Variants in ENOX2 observed in about 807,000 individuals in gnomAD.
ENOX2 encodes the protein ecto-NOX disulfide-thiol exchanger 2, also known as APK1 antigen.
A neutral mutation model predicts 45.0 loss-of-function variants in ENOX2; 36 were observed. The ratio of observed to expected loss-of-function variants is 0.80; its 90% CI spans 0.61 to 1.06. The LOEUF (loss-of-function observed/expected upper bound fraction) is 1.06. ENOX2 is among the 50% of genes least tolerant of loss of function. The probability of loss-of-function intolerance (pLI) is 0.00; values close to 1 mark genes in which losing one functional copy is unlikely to be tolerated. For synonymous variants in ENOX2, 174 were observed against 152.3 expected, an observed-to-expected ratio of 1.14 and a Z score of -1.05; for missense variants, 423 against 462.5, an observed-to-expected ratio of 0.91 and a Z score of 0.78.
intron 5 of ENOX2, among the ~76,000 whole-genome samples, chrX:130,685,515 A>G (rs935448319): frequency 5.3e-5 from 6 of 112,262 alleles, no homozygotes; most frequent in Non-Finnish European, 1.1e-4. Flanking sequence ...TGGCAGATAC[A>G]AACTAAATCA....
At chrX:130,645,720 G>A in intron 10 of ENOX2, 3 of 743,416 alleles carry the variant, frequency 4.0e-6, no homozygotes, top group Non-Finnish European at 5.9e-6. Flanking sequence ...CATCCACGCT[G>A]GGATGGTGAA....
Position 130,667,421 on chromosome X carries a change from C to G in ENOX2, c.907+109G>C, listed in dbSNP as rs147025350. The G allele has an allele frequency of 9.5e-3, 6,223 of 654,750 alleles. 38 individuals carry two copies. The highest frequency in any genetic ancestry group is 0.02 in the Middle Eastern group (41 of 2,098). The allele number at this position is 654,750 out of a possible 1,213,427, so 54.0% of individuals were successfully genotyped here. On this transcript the variant is annotated intron_variant, in intron 8 of 14. Transcript: ENST00000394363. ...GAGCACAAGGCAGTGAAAAAGGGAG[C>G]CTTGAGCCTTAACACAGGATGGCTC...
At chrX:130,811,289 C>G (rs868169411) in intron 2 of ENOX2, among the ~76,000 whole-genome samples, 2 of 112,334 alleles carry the variant, frequency 1.8e-5, no homozygotes, top group African/African-American at 6.5e-5. Flanking sequence ...CAGCACCAAG[C>G]CAGCCCCTGG....
rs753696901 is a variant in ENOX2 at position 130,667,639 on chromosome X, C to T, written c.798G>A (p.Ser266=). The T allele has an allele frequency of 3.6e-5, 44 of 1,209,504 alleles. No homozygotes were observed. Among genetic ancestry groups the T allele is most frequent in the African/African-American group, 1.8e-4 (10 of 57,140 alleles). The change falls in exon 8 of 15, where the codon TCG becomes TCA. Residue 266 remains serine, a synonymous_variant. Transcript: ENST00000394363. ...CCAGGCGGCGGACATGGCTGTTGGC[C>T]GACTGGATCATGGAGTAGAAGTTAT... ...SANNFYSMIQ[S]ANSHVRRLVN...
At chrX:130,642,331 T>A (rs1389866446) in intron 10 of ENOX2, among the ~76,000 whole-genome samples, 12 of 112,121 alleles carry the variant, frequency 1.1e-4, no homozygotes, top group Non-Finnish European at 2.3e-4. Context: ...ATGGATTGAA[T>A]TGCTGGAGCC....
chrX:130,737,148 CCAA>C (rs2038878599), intron 3 of ENOX2, among the ~76,000 whole-genome samples: 1 of 111,942 alleles, frequency 8.9e-6, no homozygotes, highest in Non-Finnish European at 1.9e-5. Context: ...CTTAAAATGT[CCAA>C]CAACAGCTTA....
chrX:130,814,809 T>G (rs1004150672), intron 2 of ENOX2, among the ~76,000 whole-genome samples: 2 of 111,806 alleles, frequency 1.8e-5, no homozygotes, highest in African/African-American at 6.5e-5. Flanking sequence ...GCAAAAAGTC[T>G]GAAAATTCCA....
chrX:130,846,449 T>C (rs1290095024), intron 2 of ENOX2, among the ~76,000 whole-genome samples: 1 of 110,701 alleles, frequency 9.0e-6, no homozygotes, highest in African/African-American at 3.3e-5. Flanking sequence ...GCGATTCTCC[T>C]GCCTCTGCCT....
chrX:130,640,201 T>C (rs2036042650), intron 10 of ENOX2, among the ~76,000 whole-genome samples: 1 of 112,174 alleles, frequency 8.9e-6, no homozygotes, highest in Non-Finnish European at 1.9e-5. Flanking sequence ...ACATTGCTGA[T>C]TAAGTTTCAA....
chrX:130,697,654 C>T (rs1294222903), intron 4 of ENOX2, among the ~76,000 whole-genome samples: 1 of 111,600 alleles, frequency 9.0e-6, no homozygotes, highest in African/African-American at 3.3e-5. Flanking sequence ...TTGCTCTGTC[C>T]GCGGGGCTTC....
At chrX:130,797,817 A>G (rs1045110464) in intron 2 of ENOX2, among the ~76,000 whole-genome samples, 1 of 111,697 alleles carries the variant, frequency 9.0e-6, no homozygotes. Flanking sequence ...GGTTTTCTCC[A>G]AAGTAAACAG....
At chrX:130,666,714 AC>A (rs1481673253) in intron 8 of ENOX2, among the ~76,000 whole-genome samples, 2 of 111,915 alleles carry the variant, frequency 1.8e-5, no homozygotes, top group Non-Finnish European at 3.8e-5. Flanking sequence ...CTTTCAAAAT[AC>A]AAGTGGCAAA....
intron 14 of ENOX2, among the ~76,000 whole-genome samples, chrX:130,627,451 T>C (rs1011015944): frequency 9.0e-6 from 1 of 110,588 alleles, no homozygotes; most frequent in Admixed American, 9.6e-5. Context: ...CATGGTGGCA[T>C]GCATCTGTAG....
chrX:130,685,562 C>T (rs1436778496), intron 5 of ENOX2, among the ~76,000 whole-genome samples: 1 of 112,243 alleles, frequency 8.9e-6, no homozygotes, highest in African/African-American at 3.2e-5. Context: ...GGATTACAGA[C>T]ATATGTTGTT....
intron 2 of ENOX2, among the ~76,000 whole-genome samples, chrX:130,829,242 C>T (rs1291283692): frequency 9.0e-6 from 1 of 111,542 alleles, no homozygotes; most frequent in Non-Finnish European, 1.9e-5. Context: ...ACAGCAATAA[C>T]TGCTGTTATT....
chrX:130,662,471 T>C (rs993255733), intron 9 of ENOX2, among the ~76,000 whole-genome samples: 1 of 111,958 alleles, frequency 8.9e-6, no homozygotes, highest in East Asian at 2.8e-4. Context: ...AAACTCACTT[T>C]GATGAAACCC....
chrX:130,692,361 C>A (rs1178498330), intron 4 of ENOX2, among the ~76,000 whole-genome samples: 3 of 112,949 alleles, frequency 2.7e-5, no homozygotes, highest in Non-Finnish European at 5.6e-5. Context: ...TGTACCATTG[C>A]CACTTATATT....
At chrX:130,670,897 T>C (rs989364132) in intron 6 of ENOX2, among the ~76,000 whole-genome samples, 3 of 111,246 alleles carry the variant, frequency 2.7e-5, no homozygotes, top group African/African-American at 9.8e-5. Flanking sequence ...CTTACCCAAG[T>C]CATGTATCTT....
chrX:130,690,378 C>T (rs891760005), intron 4 of ENOX2, among the ~76,000 whole-genome samples: 2 of 111,618 alleles, frequency 1.8e-5, no homozygotes, highest in African/African-American at 6.5e-5. Context: ...GGATCTAAGG[C>T]TGGTATTGAT....
Sources: allele counts gnomAD v4.1 joint callset (sites outside exome capture counted in the v4.1 genomes callset), GRCh38; gene constraint gnomAD v4.1.1; transcripts MANE v1.5; gene names NCBI Gene and HGNC (gene_info 2026-07-23, HGNC 2026-07-21).